Variants in PCNX1 observed in about 807,000 individuals in gnomAD.
PCNX1 encodes pecanex 1, also known as pecanex-like protein 1.
Under a neutral mutation model 242.2 loss-of-function variants are expected in PCNX1, and 78 were observed. That is an observed-to-expected ratio of 0.32 (90% CI 0.27 to 0.39). The LOEUF (loss-of-function observed/expected upper bound fraction) is 0.39. Among genes scored for constraint, PCNX1 ranks in the 10% least tolerant of loss-of-function variants. The pLI is 1.00. For missense variants in PCNX1, 2,581 were observed against 2,856.5 expected (o/e 0.90, Z 2.20); for synonymous variants, 1,024 against 1,032.9 (o/e 0.99, Z 0.17).
rs2055633843 is a variant in PCNX1 at position 70,907,937 on chromosome 14, C to T, written c.87C>T (p.Thr29=). The T allele has an allele frequency of 1.3e-6, 2 of 1,597,028 alleles. No homozygotes were observed. Among genetic ancestry groups the T allele is most frequent in the Non-Finnish European group, 1.7e-6 (2 of 1,173,160 alleles). Residue 29 remains threonine, a synonymous_variant, in exon 1 of 36, where the codon ACC becomes ACT. Transcript: ENST00000304743. Reference sequence around the variant, plus strand: ...GGTACTACGACCCGCACCAGGCCACCTTCGTGAACGCGCTGCACCTCTACC... The same window carrying T: ...GGTACTACGACCCGCACCAGGCCACTTTCGTGAACGCGCTGCACCTCTACC... ...GGWYYDPHQA[T]FVNALHLYLW... is the part of the protein sequence containing the mutation.
chr14:71,038,796 A>C (rs953977661), intron 19 of PCNX1, among the ~76,000 whole-genome samples: 2 of 151,962 alleles, frequency 1.3e-5, no homozygotes, highest in African/African-American at 4.8e-5. Flanking sequence ...GGCATTATTC[A>C]CAATAGCAAA....
In PCNX1 at chr14:70,987,524, AAAGG is replaced by A. The variant is rs1210736966; in HGVS notation, c.2312-1039_2312-1036del. On this transcript the variant is annotated intron_variant, in intron 6 of 35. Transcript: ENST00000304743. ...TTTTACCCCACAAGTAAAGGAATTT[AAAGG>A]AAGTTTCATGTTTGGAAAGAATGTT... Among the ~76,000 whole-genome samples, 5 of 152,222 alleles carry A rather than the reference AAAGG, an allele frequency of 3.3e-5. No individual in the cohort carries two copies. The East Asian group carries it at 9.6e-4, about 29-fold the overall frequency.
chr14:71,025,433 A>G (rs2060215257), intron 13 of PCNX1, among the ~76,000 whole-genome samples: 1 of 150,628 alleles, frequency 6.6e-6, no homozygotes, highest in Admixed American at 6.7e-5. Flanking sequence ...GAGCCCCCCC[A>G]CCTTTTTTGG....
intron 3 of PCNX1, among the ~76,000 whole-genome samples, chr14:70,967,939 G>T (rs1419064576): frequency 1.3e-5 from 2 of 152,084 alleles, no homozygotes; most frequent in Non-Finnish European, 2.9e-5. Context: ...ATCTGGCTCT[G>T]GGGGGGCTCC....
At chr14:70,982,612 A>AGGG (rs2058870702) in intron 6 of PCNX1, among the ~76,000 whole-genome samples, 1 of 152,244 alleles carries the variant, frequency 6.6e-6, no homozygotes, top group Non-Finnish European at 1.5e-5. Context: ...GCACAGAAGA[A>AGGG]TGCTTATTAA....
intron 1 of PCNX1, among the ~76,000 whole-genome samples, chr14:70,909,057 T>C (rs1351518638): frequency 6.6e-6 from 1 of 152,184 alleles, no homozygotes. Flanking sequence ...TTTGAGGTTC[T>C]TTGTGGAGCT....
chr14:70,935,286 C>G (rs1468092474), intron 1 of PCNX1, among the ~76,000 whole-genome samples: 4 of 152,186 alleles, frequency 2.6e-5, no homozygotes, highest in African/African-American at 9.7e-5. Flanking sequence ...GTGTCTCATG[C>G]CTGTAATCCG....
chr14:70,945,582 T>A (rs2140292845), intron 1 of PCNX1, among the ~76,000 whole-genome samples: 2 of 152,288 alleles, frequency 1.3e-5, no homozygotes, highest in Middle Eastern at 3.4e-3. Flanking sequence ...ACTTTTCTTT[T>A]TTTTTTAAAG....
chr14:70,945,673 C>CT (rs201576782), intron 1 of PCNX1, among the ~76,000 whole-genome samples: 6,154 of 146,196 alleles, frequency 0.042, 173 homozygotes, highest in Middle Eastern at 0.092. Flanking sequence ...TTGAGGTTAA[C>CT]TTTTTTTTTT....
Position 71,109,060 on chromosome 14 carries a change from G to T in PCNX1, c.6744+14G>T. ...TACAGAGTCCAAGTAAGTAAGCCCA[G>T]AGGTGGTCTTGTGCTGTTTTTGTTA... On this transcript the variant is annotated intron_variant, in intron 34 of 35. Transcript: ENST00000304743. The T allele has an allele frequency of 6.3e-7, 1 of 1,583,538 alleles. No individual in the cohort carries two copies. Among genetic ancestry groups the T allele is most frequent in the Non-Finnish European group, 8.6e-7 (1 of 1,162,994 alleles).
intron 1 of PCNX1, among the ~76,000 whole-genome samples, chr14:70,945,506 A>T (rs1318604979): frequency 6.6e-6 from 1 of 152,090 alleles, no homozygotes; most frequent in African/African-American, 2.4e-5. Context: ...TCAACACAAA[A>T]TTATTAATTT....
chr14:70,915,747 G>A (rs2077218958), intron 1 of PCNX1, among the ~76,000 whole-genome samples: 1 of 152,080 alleles, frequency 6.6e-6, no homozygotes, highest in Admixed American at 6.6e-5. Context: ...AGACTTGTTG[G>A]ATTATCTTCT....
At chr14:71,064,847 TA>T (rs770786477) in intron 26 of PCNX1, among the ~76,000 whole-genome samples, 10 of 152,190 alleles carry the variant, frequency 6.6e-5, no homozygotes, top group Non-Finnish European at 1.5e-4. Context: ...GGCTCCCACT[TA>T]TGAGTGAGAA....
intron 1 of PCNX1, among the ~76,000 whole-genome samples, chr14:70,933,903 T>C (rs1031017748): frequency 7.9e-5 from 12 of 152,210 alleles, no homozygotes; most frequent in Admixed American, 7.2e-4. Flanking sequence ...TCCATTCTGT[T>C]GGAGAACAGC....
intron 1 of PCNX1, among the ~76,000 whole-genome samples, chr14:70,937,138 T>C (rs1173725456): frequency 6.6e-6 from 1 of 152,238 alleles, no homozygotes; most frequent in East Asian, 1.9e-4. Flanking sequence ...TTTAGTTTAA[T>C]TAGATCCCAT....
intron 1 of PCNX1, among the ~76,000 whole-genome samples, chr14:70,921,680 G>A (rs1296929527): frequency 4.6e-5 from 7 of 151,950 alleles, no homozygotes; most frequent in Non-Finnish European, 1.0e-4. Context: ...TTCAATTTCT[G>A]TATATGAAGA....
At chr14:71,014,283 A>C (rs997461474) in intron 11 of PCNX1, among the ~76,000 whole-genome samples, 1 of 152,218 alleles carries the variant, frequency 6.6e-6, no homozygotes, top group Admixed American at 6.5e-5. Flanking sequence ...TCCAAGTAAC[A>C]TAAAGTCTAA....
In PCNX1 at chr14:70,926,263, C is replaced by G. The variant is rs1027854630; in HGVS notation, c.153+18260C>G. Reference sequence around the variant, plus strand: ...ATGGATTTCATTAAACTTTTATGTGCTTTCACTTACTGGTCTAATGTGGGG... The same window carrying G: ...ATGGATTTCATTAAACTTTTATGTGGTTTCACTTACTGGTCTAATGTGGGG... On this transcript the variant is annotated intron_variant, in intron 1 of 35. Transcript: ENST00000304743. Among the ~76,000 whole-genome samples, 4 of 152,148 alleles carry G rather than the reference C, an allele frequency of 2.6e-5. No individual in the cohort carries two copies. In the East Asian group the frequency reaches 7.8e-4, roughly 29 times the overall value.
intron 12 of PCNX1, among the ~76,000 whole-genome samples, chr14:71,021,229 G>T (rs986070387): frequency 2.6e-5 from 4 of 152,112 alleles, no homozygotes; most frequent in Non-Finnish European, 4.4e-5. Flanking sequence ...GCTTAGGATT[G>T]TCTTGGCTAT....
Sources: allele counts gnomAD v4.1 joint callset (sites outside exome capture counted in the v4.1 genomes callset), GRCh38; gene constraint gnomAD v4.1.1; transcripts MANE v1.5; gene names NCBI Gene and HGNC (gene_info 2026-07-23, HGNC 2026-07-21).